ZFHX3: variants seen among roughly 807,000 people sequenced by gnomAD.
ZFHX3 encodes the protein zinc finger homeobox 3.
A neutral mutation model predicts 279.1 loss-of-function variants in ZFHX3; 42 were observed. The ratio of observed to expected loss-of-function variants is 0.15; its 90% CI spans 0.12 to 0.19. The LOEUF (loss-of-function observed/expected upper bound fraction) is 0.19. ZFHX3 is among the 10% of genes least tolerant of loss of function. The probability of loss-of-function intolerance (pLI) is 1.00; values close to 1 mark genes in which losing one functional copy is unlikely to be tolerated. For synonymous variants in ZFHX3, 2,293 were observed against 1,957.8 expected (o/e 1.17, Z -4.52); for missense variants, 4,981 against 4,754.0 (o/e 1.05, Z -1.40).
intron 1 of ZFHX3, among the ~76,000 whole-genome samples, chr16:73,838,787 T>TGTGC (rs1293347709): frequency 6.7e-6 from 1 of 149,002 alleles, no homozygotes; most frequent in Non-Finnish European, 1.5e-5. Context: ...TGTGTGTGTG[T>TGTGC]GTGCGTGCGC....
chr16:73,039,805 T>C (rs960920738), intron 1 of ZFHX3, among the ~76,000 whole-genome samples: 3 of 152,178 alleles, frequency 2.0e-5, no homozygotes, highest in African/African-American at 2.4e-5. Flanking sequence ...GTGCTGGGAT[T>C]ACAGGCATGA....
intron 2 of ZFHX3, among the ~76,000 whole-genome samples, chr16:72,952,358 G>A (rs1352760932): frequency 6.6e-6 from 1 of 152,180 alleles, no homozygotes; most frequent in East Asian, 1.9e-4. Flanking sequence ...CTTCTCAGTA[G>A]GGCTACCTGT....
chr16:73,316,905 G>A (rs2015461653), intron 4 of ZFHX3, among the ~76,000 whole-genome samples: 1 of 152,164 alleles, frequency 6.6e-6, no homozygotes. Flanking sequence ...GCTTGCCAGT[G>A]TTTCCTGGCT....
intron 5 of ZFHX3, among the ~76,000 whole-genome samples, chr16:73,144,784 T>C (rs777588194): frequency 3.9e-5 from 6 of 152,134 alleles, no homozygotes; most frequent in Non-Finnish European, 8.8e-5. Flanking sequence ...TTGGCTATAA[T>C]GCACATCTCT....
At chr16:73,642,580 C>T (rs1023724568) in intron 2 of ZFHX3, among the ~76,000 whole-genome samples, 1 of 152,054 alleles carries the variant, frequency 6.6e-6, no homozygotes, top group African/African-American at 2.4e-5. Flanking sequence ...AAATATAAAA[C>T]GGCATATAAA....
In ZFHX3 at chr16:72,851,648, G is replaced by A. The variant is rs145461520; in HGVS notation, c.3449-21789C>T. On this transcript the variant is annotated intron_variant, in intron 4 of 9. Transcript: ENST00000268489. ...CTGCTCACTGCAACCTCCGCCTCCCGGGTTCAAGAGATTCTCCTGCCTCAG... is the reference window on the plus strand; with the variant it reads ...CTGCTCACTGCAACCTCCGCCTCCCAGGTTCAAGAGATTCTCCTGCCTCAG... Among the ~76,000 whole-genome samples the A allele has an allele frequency of 2.2e-3, 335 of 151,986 alleles. 2 individuals are homozygous for A. The highest frequency in any genetic ancestry group is 7.7e-3 in the African/African-American group (318 of 41,452).
chr16:73,273,751 A>AT (rs2014217280), intron 4 of ZFHX3, among the ~76,000 whole-genome samples: 1 of 152,176 alleles, frequency 6.6e-6, no homozygotes, highest in African/African-American at 2.4e-5. Context: ...GTTACAAATA[A>AT]TGCCTTAAGG....
chr16:73,760,021 A>ATTTTT (rs1567400802), intron 1 of ZFHX3, among the ~76,000 whole-genome samples: 27 of 138,996 alleles, frequency 1.9e-4, no homozygotes, highest in African/African-American at 6.1e-4. Context: ...TTTTTTTTAA[A>ATTTTT]AAAAAATTAA....
intron 2 of ZFHX3, among the ~76,000 whole-genome samples, chr16:73,516,827 G>C (rs1487568503): frequency 6.6e-6 from 1 of 152,162 alleles, no homozygotes; most frequent in Non-Finnish European, 1.5e-5. Flanking sequence ...TAGTTTGGGT[G>C]GATGGACATT....
chr16:73,821,788 C>A (rs548079908), intron 1 of ZFHX3, among the ~76,000 whole-genome samples: 1 of 152,182 alleles, frequency 6.6e-6, no homozygotes, highest in South Asian at 2.1e-4. Flanking sequence ...AGGAGACGGT[C>A]GTCAGGGTGC....
chr16:73,764,343 T>C (rs1478549131), intron 1 of ZFHX3, among the ~76,000 whole-genome samples: 1 of 152,098 alleles, frequency 6.6e-6, no homozygotes, highest in East Asian at 1.9e-4. Flanking sequence ...AAATCTTTTT[T>C]ATATAAAATT....
intron 3 of ZFHX3, among the ~76,000 whole-genome samples, chr16:73,455,589 G>C (rs992185955): frequency 1.3e-5 from 2 of 152,052 alleles, no homozygotes; most frequent in African/African-American, 4.8e-5. Flanking sequence ...TTTCTAACAA[G>C]CTCCAACCCA....
chr16:73,850,998 C>G (rs1036254839), intron 1 of ZFHX3, among the ~76,000 whole-genome samples: 3 of 152,032 alleles, frequency 2.0e-5, no homozygotes, highest in Non-Finnish European at 2.9e-5. Flanking sequence ...TTATTTTATC[C>G]TTTTTTTCCC....
chr16:72,985,676 T>A (rs1380124739), intron 1 of ZFHX3, among the ~76,000 whole-genome samples: 1 of 152,168 alleles, frequency 6.6e-6, no homozygotes, highest in Non-Finnish European at 1.5e-5. Flanking sequence ...GCTTCCAGAT[T>A]CCCTGGTTAA....
intron 2 of ZFHX3, among the ~76,000 whole-genome samples, chr16:73,598,906 G>A (rs556010496): frequency 1.6e-3 from 237 of 152,290 alleles, no homozygotes; most frequent in Non-Finnish European, 2.9e-3. Flanking sequence ...GGGATTACAG[G>A]AGCCTGCCAC....
At chr16:73,306,020 C>T (rs1424266217) in intron 4 of ZFHX3, among the ~76,000 whole-genome samples, 1 of 152,198 alleles carries the variant, frequency 6.6e-6, no homozygotes, top group Non-Finnish European at 1.5e-5. Context: ...TCAGTGGAAC[C>T]CGCAAGTCTG....
intron 1 of ZFHX3, among the ~76,000 whole-genome samples, chr16:72,978,842 C>T (rs777013777): frequency 4.6e-5 from 7 of 152,224 alleles, no homozygotes; most frequent in Non-Finnish European, 1.0e-4. Context: ...TAGAGATGAT[C>T]CTGAAGGCAC....
intron 5 of ZFHX3, among the ~76,000 whole-genome samples, chr16:73,146,733 G>T (rs915681450): frequency 1.3e-5 from 2 of 152,034 alleles, no homozygotes; most frequent in Non-Finnish European, 2.9e-5. Context: ...CCACAATCCT[G>T]CAAACTTGAC....
At chr16:72,986,536 C>T (rs1299845794) in intron 1 of ZFHX3, among the ~76,000 whole-genome samples, 1 of 152,198 alleles carries the variant, frequency 6.6e-6, no homozygotes, top group East Asian at 1.9e-4. Flanking sequence ...CAAGTTCTAT[C>T]ATGCCCAAGG....
Sources: allele counts gnomAD v4.1 joint callset (sites outside exome capture counted in the v4.1 genomes callset), GRCh38; gene constraint gnomAD v4.1.1; transcripts MANE v1.5; gene names NCBI Gene and HGNC (gene_info 2026-07-23, HGNC 2026-07-21).